The following PCCA variants were observed in gnomAD, a reference collection of about 807,000 sequenced individuals.
PCCA encodes the protein propionyl-CoA carboxylase alpha chain, mitochondrial.
A neutral mutation model predicts 101.3 loss-of-function variants in PCCA; 74 were observed. The observed-to-expected ratio is 0.73, with a 90% CI of 0.61 to 0.89. The LOEUF is 0.89. Among genes scored for constraint, PCCA ranks in the 40% least tolerant of loss-of-function variants. The pLI is 0.00. For synonymous variants in PCCA, 294 were observed against 313.6 expected, an observed-to-expected ratio of 0.94 and a Z score of 0.66; for missense variants, 891 against 907.0, an observed-to-expected ratio of 0.98 and a Z score of 0.23.
chr13:100,228,899 CAAA>C lies in PCCA; in HGVS notation c.601-6927_601-6925del, dbSNP rs36067066. On this transcript the variant is annotated intron_variant, in intron 7 of 23. Transcript: ENST00000376285. The stretch of plus-strand genomic sequence containing the variant: ...TGGGTAACACAGTGAGACTCTTTCT[CAAA>C]AAAAAAAAAAAAAAAGCACAAAGTA... Among the ~76,000 whole-genome samples, 389 of 83,502 alleles carry C rather than the reference CAAA, an allele frequency of 4.7e-3. 5 individuals carry two copies. The South Asian group carries it at 0.052, about 11-fold the overall frequency. 54.8% of individuals were successfully genotyped at this position (83,502 alleles called of 152,430 possible).
chr13:100,187,448 A>AC (rs2057376358), intron 6 of PCCA, among the ~76,000 whole-genome samples: 1 of 152,156 alleles, frequency 6.6e-6, no homozygotes, highest in Non-Finnish European at 1.5e-5. Flanking sequence ...CATCAAGCTG[A>AC]CCACAAGGTG....
chr13:100,346,676 C>G (rs1318547638), intron 18 of PCCA, among the ~76,000 whole-genome samples: 1 of 152,172 alleles, frequency 6.6e-6, no homozygotes, highest in African/African-American at 2.4e-5. Flanking sequence ...CAAACAGCAT[C>G]ACATGCTACA....
At position 100,446,981 on chromosome 13, in the gene PCCA, G is replaced by A. The variant is rs1396251670; in HGVS notation, c.1846-2271G>A. ...ATTTACTTAGCTAGTGTCTTTCCCC[G>A]TCATTTACATTTCTTGCCATTGTTC... On this transcript the variant is annotated intron_variant, in intron 20 of 23. Coordinates refer to ENST00000376285, the MANE Select transcript of PCCA (RefSeq NM_000282.4). 3.9e-5 allele frequency among the ~76,000 whole-genome samples: 6 copies of A among 152,170 alleles called. No homozygotes were observed. The East Asian group carries it at 5.8e-4, about 15-fold the overall frequency.
intron 8 of PCCA, among the ~76,000 whole-genome samples, chr13:100,241,310 T>C (rs2061119154): frequency 6.6e-6 from 1 of 152,174 alleles, no homozygotes; most frequent in African/African-American, 2.4e-5. Context: ...GATTTACTTA[T>C]TCTGGGGATA....
At chr13:100,488,863 G>A (rs955831885) in intron 21 of PCCA, among the ~76,000 whole-genome samples, 1 of 151,750 alleles carries the variant, frequency 6.6e-6, no homozygotes, top group African/African-American at 2.4e-5. Flanking sequence ...CCCCTAATCT[G>A]TTTTACCATG....
At chr13:100,502,476 C>G (rs76979278) in intron 21 of PCCA, among the ~76,000 whole-genome samples, 2,633 of 152,304 alleles carry the variant, frequency 0.017, 42 homozygotes, top group Non-Finnish European at 0.031. Context: ...GAAATGTCTC[C>G]TAGTCTTATT....
intron 18 of PCCA, among the ~76,000 whole-genome samples, chr13:100,343,319 G>A (rs142858570): frequency 3.9e-4 from 59 of 151,866 alleles, no homozygotes; most frequent in Middle Eastern, 3.4e-3. Flanking sequence ...CAGCATCATC[G>A]GTCAGTGGAG....
intron 17 of PCCA, among the ~76,000 whole-genome samples, chr13:100,336,790 C>T (rs948348034): frequency 4.6e-5 from 7 of 152,164 alleles, no homozygotes; most frequent in African/African-American, 1.2e-4. Flanking sequence ...TCGTTGACTT[C>T]GCAGTAGAGG....
Position 100,349,490 on chromosome 13 carries a change from C to T in PCCA, c.1643+9231C>T, listed in dbSNP as rs116832686. Among the ~76,000 whole-genome samples, 1,085 of 151,720 alleles carry T rather than the reference C, an allele frequency of 7.2e-3. 15 individuals are homozygous for T. The highest frequency in any genetic ancestry group is 0.017 in the African/African-American group (710 of 41,342). ...GCTGGCCAGGCTGGTCTCAAAATCC[C>T]AACCTCAGGTCATCCACCTGCTTTG... On this transcript the variant is annotated intron_variant, in intron 18 of 23. Coordinates refer to ENST00000376285, the MANE Select transcript of PCCA (RefSeq NM_000282.4).
At chr13:100,222,051 A>AT (rs899481400) in intron 7 of PCCA, among the ~76,000 whole-genome samples, 8 of 150,396 alleles carry the variant, frequency 5.3e-5, no homozygotes, top group Admixed American at 2.0e-4. Flanking sequence ...GGTGGAAATA[A>AT]TTTTTTTTGA....
chr13:100,217,103 C>CT lies in PCCA; in HGVS notation c.600+7641dup, dbSNP rs369813427. Among the ~76,000 whole-genome samples the CT allele has an allele frequency of 3.1e-3, 472 of 151,220 alleles. 2 individuals carry two copies. Among genetic ancestry groups the CT allele is most frequent in the African/African-American group, 0.011 (452 of 41,144 alleles). Reference sequence around the variant, plus strand: ...CAGCCTGGGCAACAAGAGCGGAACTCTGTCTAAAAAAAACAAGAATTTCAC... The same window carrying CT: ...CAGCCTGGGCAACAAGAGCGGAACTCTTGTCTAAAAAAAACAAGAATTTCAC... On this transcript the variant is annotated intron_variant, in intron 7 of 23. Transcript: ENST00000376285.
At chr13:100,416,448 C>G (rs1173677076) in intron 19 of PCCA, among the ~76,000 whole-genome samples, 4 of 151,958 alleles carry the variant, frequency 2.6e-5, no homozygotes, top group Non-Finnish European at 4.4e-5. Flanking sequence ...TCCCAAAATT[C>G]TGGGATTAGA....
intron 8 of PCCA, among the ~76,000 whole-genome samples, chr13:100,251,997 G>T (rs1008685999): frequency 1.0e-4 from 4 of 38,488 alleles, no homozygotes; most frequent in Admixed American, 3.3e-4. Flanking sequence ...TTCTGGGGAG[G>T]CTGAGGGGGT....
intron 19 of PCCA, among the ~76,000 whole-genome samples, chr13:100,420,269 A>G (rs541433543): frequency 1.3e-5 from 2 of 152,354 alleles, no homozygotes; most frequent in Non-Finnish European, 2.9e-5. Context: ...GGAAATAGCC[A>G]TATTAGAAAT....
intron 12 of PCCA, among the ~76,000 whole-genome samples, chr13:100,282,433 G>A (rs981883793): frequency 7.2e-5 from 11 of 152,268 alleles, no homozygotes; most frequent in Non-Finnish European, 1.3e-4. Flanking sequence ...TCAGCTTGCA[G>A]GGAGGTGTGG....
intron 6 of PCCA, among the ~76,000 whole-genome samples, chr13:100,173,242 A>C (rs1012675743): frequency 6.6e-6 from 1 of 152,218 alleles, no homozygotes; most frequent in African/African-American, 2.4e-5. Flanking sequence ...AGTGGTGTCT[A>C]CAGTGTGCTG....
At chr13:100,110,381 C>G (rs142207723) in intron 2 of PCCA, among the ~76,000 whole-genome samples, 14 of 152,276 alleles carry the variant, frequency 9.2e-5, no homozygotes, top group African/African-American at 3.1e-4. Flanking sequence ...GAAAACCTTA[C>G]TAAATAGCTT....
At chr13:100,500,018 AT>A (rs1027096014) in intron 21 of PCCA, among the ~76,000 whole-genome samples, 1 of 152,178 alleles carries the variant, frequency 6.6e-6, no homozygotes, top group Admixed American at 6.5e-5. Context: ...TTTGGAATCT[AT>A]CTTTAGACTA....
chr13:100,401,153 G>T (rs1039655635), intron 19 of PCCA, among the ~76,000 whole-genome samples: 2 of 151,942 alleles, frequency 1.3e-5, no homozygotes, highest in Non-Finnish European at 2.9e-5. Context: ...TTATTTCAAA[G>T]TAGCATTGCT....
Sources: allele counts gnomAD v4.1 joint callset (sites outside exome capture counted in the v4.1 genomes callset), GRCh38; gene constraint gnomAD v4.1.1; transcripts MANE v1.5; gene names NCBI Gene and HGNC (gene_info 2026-07-23, HGNC 2026-07-21).